Variants in RHBDD1 observed in about 807,000 individuals in gnomAD.
The protein encoded by RHBDD1 is rhomboid domain containing 1, also known as rhomboid-related protein 4.
RHBDD1 carries 38 observed loss-of-function variants against 36.3 expected under a neutral mutation model. That is an observed-to-expected ratio of 1.05 (90% CI 0.81 to 1.37). RHBDD1 has a LOEUF of 1.37. Ranked by LOEUF, RHBDD1 falls within the 40% of genes most tolerant of loss-of-function variation. RHBDD1 has a pLI of 0.00. For synonymous variants in RHBDD1, 151 were observed against 136.5 expected, an observed-to-expected ratio of 1.11 and a Z score of -0.74; for missense variants, 393 against 377.6, an observed-to-expected ratio of 1.04 and a Z score of -0.34.
chr2:226,933,143 G>A lies in RHBDD1; in HGVS notation c.856+18792G>A, dbSNP rs560296249. ...TCACGAGAACAGCATGGAAGAAACC[G>A]CCCCTGTGATCTAATTACCACCGTG... On this transcript the variant is annotated intron_variant, in intron 8 of 8. Coordinates refer to ENST00000392062, the MANE Select transcript of RHBDD1 (RefSeq NM_001167608.3). 1.8e-4 allele frequency among the ~76,000 whole-genome samples: 27 copies of A among 152,110 alleles called. No homozygotes were observed. In the South Asian group the frequency reaches 2.3e-3, roughly 13 times the overall value.
chr2:226,933,788 T>C (rs1251202587), intron 8 of RHBDD1, among the ~76,000 whole-genome samples: 1 of 152,166 alleles, frequency 6.6e-6, no homozygotes, highest in Non-Finnish European at 1.5e-5. Context: ...TCCAGCTTTC[T>C]ACATCCCAAG....
chr2:226,894,025 G>A (rs1178334307), intron 5 of RHBDD1, among the ~76,000 whole-genome samples: 6 of 152,134 alleles, frequency 3.9e-5, no homozygotes, highest in African/African-American at 9.7e-5. Flanking sequence ...AAATTAAATT[G>A]TAAATGTAAA....
intron 3 of RHBDD1, among the ~76,000 whole-genome samples, chr2:226,862,976 A>G (rs1943993710): frequency 6.6e-6 from 1 of 152,176 alleles, no homozygotes; most frequent in Admixed American, 6.5e-5. Context: ...CAGGGAGGGC[A>G]TTCATCTTTT....
At chr2:226,899,837 A>G (rs1213823890) in intron 5 of RHBDD1, among the ~76,000 whole-genome samples, 1 of 152,220 alleles carries the variant, frequency 6.6e-6, no homozygotes, top group Non-Finnish European at 1.5e-5. Context: ...GCAAGGAGGA[A>G]ACTGAACCCA....
intron 5 of RHBDD1, chr2:226,895,757 A>G: frequency 1.0e-6 from 1 of 985,452 alleles, no homozygotes; most frequent in South Asian, 4.7e-5. Flanking sequence ...ATTTAGAAAC[A>G]CTTGCCTGTG....
chr2:226,823,772 G>A, the RHBDD1 span, among the ~76,000 whole-genome samples: 1 of 152,152 alleles, frequency 6.6e-6, no homozygotes, highest in Non-Finnish European at 1.5e-5. Flanking sequence ...GGTTCTGGAG[G>A]CTGGGAAGTC....
intron 5 of RHBDD1, among the ~76,000 whole-genome samples, chr2:226,877,081 T>A (rs1945297839): frequency 6.6e-6 from 1 of 152,190 alleles, no homozygotes; most frequent in African/African-American, 2.4e-5. Context: ...TTTTAGTAGC[T>A]TTTTCAGGTA....
intron 1 of RHBDD1, among the ~76,000 whole-genome samples, chr2:226,836,952 A>G (rs1324980749): frequency 6.6e-6 from 1 of 152,198 alleles, no homozygotes; most frequent in Non-Finnish European, 1.5e-5. Context: ...TAATCCCAGG[A>G]CGCTAGGATC....
At chr2:226,861,534 G>C (rs1382837100) in intron 3 of RHBDD1, among the ~76,000 whole-genome samples, 1 of 152,208 alleles carries the variant, frequency 6.6e-6, no homozygotes, top group Non-Finnish European at 1.5e-5. Context: ...CTTGAGCAAA[G>C]ATGTAGTTAG....
intron 8 of RHBDD1, among the ~76,000 whole-genome samples, chr2:226,920,592 T>C (rs551408740): frequency 1.3e-5 from 2 of 152,260 alleles, no homozygotes; most frequent in East Asian, 3.9e-4. Context: ...TTTTTTGTCA[T>C]GAAGGAATGT....
intron 5 of RHBDD1, among the ~76,000 whole-genome samples, chr2:226,876,200 C>T (rs368298016): frequency 6.6e-6 from 1 of 152,124 alleles, no homozygotes; most frequent in South Asian, 2.1e-4. Flanking sequence ...AAGGAAAAGC[C>T]ATGAATGAAT....
chr2:226,829,786 A>AT, the RHBDD1 span, among the ~76,000 whole-genome samples: 1 of 152,196 alleles, frequency 6.6e-6, no homozygotes, highest in South Asian at 2.1e-4. Flanking sequence ...GATTTTCTAC[A>AT]TATCAGGTGA....
At chr2:226,942,312 C>G (rs148843265) in intron 8 of RHBDD1, among the ~76,000 whole-genome samples, 1 of 150,974 alleles carries the variant, frequency 6.6e-6, no homozygotes, top group East Asian at 1.9e-4. Context: ...GATCTCGGCT[C>G]ACTGCAAGCT....
upstream of RHBDD1, chr2:226,835,652 G>A (rs1940882368): frequency 6.6e-6 from 1 of 152,364 alleles, no homozygotes; most frequent in African/African-American, 2.4e-5. Flanking sequence ...CCTGGGCAGA[G>A]GCGTCCGTTG....
chr2:226,950,313 T>C (rs1264534168), intron 8 of RHBDD1, among the ~76,000 whole-genome samples: 1 of 150,606 alleles, frequency 6.6e-6, no homozygotes, highest in Non-Finnish European at 1.5e-5. Context: ...GTGCCTGGCT[T>C]ATTTTATTTA....
the RHBDD1 span, among the ~76,000 whole-genome samples, chr2:226,807,883 A>G: frequency 6.6e-5 from 10 of 152,140 alleles, no homozygotes; most frequent in Non-Finnish European, 1.3e-4. Flanking sequence ...GCATGGTGGC[A>G]GGCACCTGTA....
At chr2:226,857,210 A>G (rs1454676332) in intron 3 of RHBDD1, among the ~76,000 whole-genome samples, 2 of 152,124 alleles carry the variant, frequency 1.3e-5, no homozygotes, top group African/African-American at 4.8e-5. Context: ...TCATAGTATC[A>G]TGAGTCGTTA....
At chr2:226,811,397 G>A in the RHBDD1 span, among the ~76,000 whole-genome samples, 2 of 152,234 alleles carry the variant, frequency 1.3e-5, no homozygotes, top group African/African-American at 4.8e-5. Context: ...CGCGTCCCGG[G>A]TCCAAGCGAT....
intron 5 of RHBDD1, among the ~76,000 whole-genome samples, chr2:226,889,537 A>G (rs896211643): frequency 2.0e-5 from 3 of 152,236 alleles, no homozygotes; most frequent in African/African-American, 7.2e-5. Flanking sequence ...GAAGGCATGT[A>G]GTGTTTTTGG....
Sources: allele counts gnomAD v4.1 joint callset (sites outside exome capture counted in the v4.1 genomes callset), GRCh38; gene constraint gnomAD v4.1.1; transcripts MANE v1.5; gene names NCBI Gene and HGNC (gene_info 2026-07-23, HGNC 2026-07-21).